Variants in RYR3 observed in about 807,000 individuals in gnomAD.
The protein encoded by RYR3 is brain ryanodine receptor-calcium release channel.
A neutral mutation model predicts 584.3 loss-of-function variants in RYR3; 207 were observed. The observed-to-expected ratio is 0.35, with a 90% CI of 0.32 to 0.40. RYR3 has a LOEUF of 0.40. Ranked by LOEUF, RYR3 falls within the 10% of genes least tolerant of loss-of-function variation. The probability of loss-of-function intolerance (pLI) is 1.00; values close to 1 mark genes in which losing one functional copy is unlikely to be tolerated. For missense variants in RYR3, 5,616 were observed against 6,089.2 expected, an observed-to-expected ratio of 0.92 and a Z score of 2.59; for synonymous variants, 2,416 against 2,248.5, an observed-to-expected ratio of 1.07 and a Z score of -2.11.
chr15:33,320,033 A>C (rs1968742693), intron 1 of RYR3, among the ~76,000 whole-genome samples: 1 of 152,328 alleles, frequency 6.6e-6, no homozygotes, highest in South Asian at 2.1e-4. Context: ...TCAAATAAAA[A>C]AATTCTCAAC....
chr15:33,474,472 G>A (rs1460789419), intron 2 of RYR3, among the ~76,000 whole-genome samples: 1 of 152,154 alleles, frequency 6.6e-6, no homozygotes, highest in Non-Finnish European at 1.5e-5. Flanking sequence ...CAGTTGTTCT[G>A]AAGGCCTTCA....
chr15:33,601,080 G>A (rs115480818), intron 16 of RYR3, among the ~76,000 whole-genome samples: 2,459 of 152,204 alleles, frequency 0.016, 61 homozygotes, highest in African/African-American at 0.056. Context: ...GGCCTAGCTA[G>A]GATATTGTCT....
At chr15:33,464,503 T>TATATATATATATATATACAC (rs1180164194) in intron 1 of RYR3, among the ~76,000 whole-genome samples, 2 of 105,936 alleles carry the variant, frequency 1.9e-5, no homozygotes, top group African/African-American at 3.4e-5. Flanking sequence ...CATATATATA[T>TATATATATATATATATACAC]ACATACACAT....
At chr15:33,377,633 A>C (rs2040850059) in intron 1 of RYR3, among the ~76,000 whole-genome samples, 1 of 152,208 alleles carries the variant, frequency 6.6e-6, no homozygotes, top group African/African-American at 2.4e-5. Flanking sequence ...TCCAGGTTCA[A>C]ATCCATCTCT....
intron 86 of RYR3, among the ~76,000 whole-genome samples, chr15:33,832,168 C>T (rs1024977336): frequency 2.6e-5 from 4 of 151,790 alleles, no homozygotes; most frequent in Non-Finnish European, 4.4e-5. Context: ...GTGTCGTGCG[C>T]GTGTAGTACC....
intron 27 of RYR3, among the ~76,000 whole-genome samples, chr15:33,642,615 T>C (rs1173036923): frequency 6.6e-6 from 1 of 152,244 alleles, no homozygotes; most frequent in South Asian, 2.1e-4. Flanking sequence ...GGAATTTTAC[T>C]GGCAAGCAAT....
intron 1 of RYR3, among the ~76,000 whole-genome samples, chr15:33,413,028 AT>A (rs2043518641): frequency 6.6e-6 from 1 of 152,202 alleles, no homozygotes; most frequent in Admixed American, 6.5e-5. Context: ...CATCCTGATA[AT>A]TAGGATGATG....
At chr15:33,523,429 G>A (rs756539504) in intron 3 of RYR3, among the ~76,000 whole-genome samples, 63 of 152,216 alleles carry the variant, frequency 4.1e-4, no homozygotes, top group Non-Finnish European at 6.6e-4. Flanking sequence ...CCAACCCACC[G>A]GAAGGAGCAA....
intron 1 of RYR3, among the ~76,000 whole-genome samples, chr15:33,455,752 G>GA (rs894551484): frequency 3.3e-5 from 5 of 151,550 alleles, no homozygotes; most frequent in South Asian, 2.1e-4. Flanking sequence ...ATTGGTCCTG[G>GA]AAGAAAAAAG....
chr15:33,718,572 C>T (rs1470617450), intron 43 of RYR3, among the ~76,000 whole-genome samples: 2 of 152,000 alleles, frequency 1.3e-5, no homozygotes, highest in East Asian at 1.9e-4. Flanking sequence ...AATGGAGTTA[C>T]CTAAGTTGAG....
At chr15:33,425,734 C>T (rs1247553783) in intron 1 of RYR3, among the ~76,000 whole-genome samples, 10 of 150,078 alleles carry the variant, frequency 6.7e-5, no homozygotes, top group East Asian at 2.0e-4. Flanking sequence ...CTCCGCCTCC[C>T]GGGTTCATGC....
intron 75 of RYR3, 136 bp downstream of exon 75, chr15:33,817,094 C>T: frequency 1.8e-6 from 1 of 559,906 alleles, no homozygotes; most frequent in Non-Finnish European, 3.2e-6. Context: ...TGTGTAAGTG[C>T]TCAGGGGAGG....
chr15:33,501,167 A>G (rs756306032), intron 2 of RYR3, among the ~76,000 whole-genome samples: 1 of 152,170 alleles, frequency 6.6e-6, no homozygotes, highest in Non-Finnish European at 1.5e-5. Flanking sequence ...CAAACCAGTA[A>G]TGAAATTGTG....
intron 68 of RYR3, among the ~76,000 whole-genome samples, chr15:33,801,571 A>G (rs527800838): frequency 1.1e-4 from 17 of 152,316 alleles, no homozygotes; most frequent in African/African-American, 4.1e-4. Context: ...ATGTGATGCT[A>G]TACTAGAGTC....
At chr15:33,550,829 A>C (rs1205297041) in intron 10 of RYR3, among the ~76,000 whole-genome samples, 2 of 152,202 alleles carry the variant, frequency 1.3e-5, no homozygotes, top group African/African-American at 4.8e-5. Context: ...TCTGGACATA[A>C]CATTATCTTG....
At chr15:33,363,200 C>T (rs983639900) in intron 1 of RYR3, among the ~76,000 whole-genome samples, 2 of 152,088 alleles carry the variant, frequency 1.3e-5, no homozygotes, top group African/African-American at 4.8e-5. Context: ...TGCTCTTTTT[C>T]TCTCTCTTTT....
At chr15:33,841,716 G>C in intron 90 of RYR3, 148 bp from the exon 91 acceptor site, 1 of 690,060 alleles carries the variant, frequency 1.4e-6, no homozygotes, top group South Asian at 2.2e-5. Context: ...CAGCCACTGT[G>C]GATTGATAAA....
Position 33,865,000 on chromosome 15 carries a change from G to T in RYR3, c.14518-131G>T. 1.4e-5 allele frequency: 9 copies of T among 635,318 alleles called. No individual in the cohort carries two copies. In the South Asian group the frequency reaches 1.8e-4, roughly 13 times the overall value. The allele number at this position is 635,318 out of a possible 1,614,324, so 39.4% of individuals were successfully genotyped here. Reference sequence around the variant, plus strand: ...CCTGTGCTGGGAATAGAGCAAGAATGAATGTGCAGGTTTGGCCTCATATAA... The same window carrying T: ...CCTGTGCTGGGAATAGAGCAAGAATTAATGTGCAGGTTTGGCCTCATATAA... On this transcript the variant is annotated intron_variant, in intron 103 of 103. Coordinates refer to ENST00000634891, the MANE Select transcript of RYR3 (RefSeq NM_001036.6).
chr15:33,820,308 T>TC (rs1293826890), intron 77 of RYR3, among the ~76,000 whole-genome samples: 1 of 152,232 alleles, frequency 6.6e-6, no homozygotes, highest in Non-Finnish European at 1.5e-5. Context: ...GAGCACCTAT[T>TC]CCTTGATCTA....
Sources: gnomAD v4.1 joint callset for allele counts (sites outside exome capture counted in the v4.1 genomes callset) on GRCh38, gnomAD v4.1.1 for gene constraint, MANE v1.5 for transcripts, NCBI Gene and HGNC (gene_info 2026-07-23, HGNC 2026-07-21) for gene names.